The following SRD5A2 variants were observed in gnomAD, a reference collection of about 807,000 sequenced individuals.
SRD5A2 encodes the protein steroid 5 alpha-reductase 2, also known as 3-oxo-5-alpha-steroid 4-dehydrogenase 2.
In SRD5A2, 30 loss-of-function variants were observed where a neutral mutation model predicts 27.4. The observed-to-expected ratio is 1.10, with a 90% CI of 0.82 to 1.49. SRD5A2 has a LOEUF of 1.49. SRD5A2 is among the 40% of genes most tolerant of loss of function. The pLI is 0.00. For missense variants in SRD5A2, 348 were observed against 323.4 expected (o/e 1.08, Z -0.58); for synonymous variants, 141 against 133.6 (o/e 1.06, Z -0.38).
chr2:31,662,921 AG>A, the SRD5A2 span, among the ~76,000 whole-genome samples: 1 of 152,108 alleles, frequency 6.6e-6, no homozygotes. Flanking sequence ...TCACTCTGAC[AG>A]CTCCATACCC....
chr2:31,621,351 T>C, the SRD5A2 span, among the ~76,000 whole-genome samples: 17 of 152,132 alleles, frequency 1.1e-4, no homozygotes, highest in African/African-American at 4.1e-4. Context: ...TAAGATTATC[T>C]GAATGGAATC....
chr2:31,546,409 G>A (rs1262188993), intron 1 of SRD5A2, among the ~76,000 whole-genome samples: 1 of 152,112 alleles, frequency 6.6e-6, no homozygotes, highest in Admixed American at 6.5e-5. Context: ...ATTAATGATG[G>A]ACTGGATAAA....
chr2:31,581,887 T>C (rs1667090359), upstream of SRD5A2, among the ~76,000 whole-genome samples: 2 of 152,202 alleles, frequency 1.3e-5, no homozygotes, highest in South Asian at 4.1e-4. Flanking sequence ...CTTTCTCTCT[T>C]CCGTTTCCCA....
chr2:31,589,149 C>A, the SRD5A2 span, among the ~76,000 whole-genome samples: 1 of 152,084 alleles, frequency 6.6e-6, no homozygotes, highest in African/African-American at 2.4e-5. Flanking sequence ...TTACCCAGAG[C>A]TGAAACAGAT....
chr2:31,637,506 C>T, the SRD5A2 span, among the ~76,000 whole-genome samples: 4 of 152,068 alleles, frequency 2.6e-5, no homozygotes, highest in Admixed American at 2.0e-4. Context: ...TTATATGGTT[C>T]TAGGAACTCC....
At chr2:31,589,669 G>A in the SRD5A2 span, among the ~76,000 whole-genome samples, 1 of 152,202 alleles carries the variant, frequency 6.6e-6, no homozygotes. Flanking sequence ...CTGGGGAGGG[G>A]CCACAGGGTG....
At chr2:31,653,091 T>C in the SRD5A2 span, among the ~76,000 whole-genome samples, 1 of 152,112 alleles carries the variant, frequency 6.6e-6, no homozygotes, top group Non-Finnish European at 1.5e-5. Context: ...TTTCCCACAC[T>C]AACAAAATAG....
the SRD5A2 span, among the ~76,000 whole-genome samples, chr2:31,632,692 C>G: frequency 6.6e-6 from 1 of 152,126 alleles, no homozygotes; most frequent in Non-Finnish European, 1.5e-5. Context: ...GACACGCAGT[C>G]ACTAGATACT....
chr2:31,547,260 G>C (rs1027842624), intron 1 of SRD5A2, among the ~76,000 whole-genome samples: 1 of 152,158 alleles, frequency 6.6e-6, no homozygotes, highest in Non-Finnish European at 1.5e-5. Flanking sequence ...ACCTTGACTG[G>C]ATTAAGGGAT....
At chr2:31,659,666 C>A in the SRD5A2 span, among the ~76,000 whole-genome samples, 1 of 152,014 alleles carries the variant, frequency 6.6e-6, no homozygotes, top group Non-Finnish European at 1.5e-5. Flanking sequence ...CAAATCACTG[C>A]ACAAGGAAAT....
Position 31,552,817 on chromosome 2 carries a change from T to G in SRD5A2, c.282-19051A>C, listed in dbSNP as rs367692189. ...ACCACTCCATAAAAACTGGGAGAGA[T>G]GGCTGTTTTTTCAAATGTGCAGACA... On this transcript the variant is annotated intron_variant, in intron 1 of 4. Transcript: ENST00000622030. 1.6e-4 allele frequency among the ~76,000 whole-genome samples: 25 copies of G among 152,186 alleles called. No individual in the cohort carries two copies. In the East Asian group the frequency reaches 3.1e-3, roughly 19 times the overall value.
Position 31,526,061 on chromosome 2 carries a change from G to A in SRD5A2, c.*135C>T, listed in dbSNP as rs1167007961. The stretch of plus-strand genomic sequence containing the variant: ...AAGCAGACACCACTCAGAATCCCCA[G>A]GCCAGCTGGCAGAACGCCAGGAGAC... On this transcript the variant is annotated 3_prime_UTR_variant, in exon 5 of 5. Transcript: ENST00000622030. The A allele has an allele frequency of 8.3e-6, 5 of 600,900 alleles. No individual in the cohort carries two copies. In the Admixed American group the frequency reaches 1.0e-4, roughly 13 times the overall value. The allele number at this position is 600,900 out of a possible 1,614,324, so 37.2% of individuals were successfully genotyped here. A position where few individuals can be genotyped will look rare whatever the true frequency, so the allele number is the denominator to read the frequency against.
chr2:31,612,471 A>G, the SRD5A2 span, among the ~76,000 whole-genome samples: 1 of 152,204 alleles, frequency 6.6e-6, no homozygotes, highest in South Asian at 2.1e-4. Flanking sequence ...CATAGAGCTG[A>G]AAGATTTGTA....
chr2:31,627,433 G>GGTGTGTGTGT, the SRD5A2 span, among the ~76,000 whole-genome samples: 1 of 149,710 alleles, frequency 6.7e-6, no homozygotes. Flanking sequence ...TTTGTACGGG[G>GGTGTGTGTGT]GTGTGTGTGT....
chr2:31,649,336 T>A, the SRD5A2 span, among the ~76,000 whole-genome samples: 119 of 152,250 alleles, frequency 7.8e-4, no homozygotes, highest in Admixed American at 2.7e-3. Flanking sequence ...AGATAACCCA[T>A]CCACTGGCTC....
the SRD5A2 span, among the ~76,000 whole-genome samples, chr2:31,637,465 T>C: frequency 2.6e-5 from 4 of 152,108 alleles, no homozygotes; most frequent in African/African-American, 7.2e-5. Flanking sequence ...CAACAGTTTA[T>C]AAATGTCATG....
chr2:31,596,244 T>A, the SRD5A2 span, among the ~76,000 whole-genome samples: 1 of 151,864 alleles, frequency 6.6e-6, no homozygotes, highest in African/African-American at 2.4e-5. Flanking sequence ...AAAAATTAGC[T>A]GAGCATGGTG....
chr2:31,532,084 C>A (rs1213406781), intron 2 of SRD5A2, among the ~76,000 whole-genome samples: 2 of 151,992 alleles, frequency 1.3e-5, no homozygotes, highest in Non-Finnish European at 2.9e-5. Flanking sequence ...CATCTTGCAA[C>A]CATGAAGTGA....
the SRD5A2 span, among the ~76,000 whole-genome samples, chr2:31,645,962 CGT>C: frequency 6.6e-6 from 1 of 152,146 alleles, no homozygotes; most frequent in African/African-American, 2.4e-5. Context: ...ATCTTGAGGC[CGT>C]GTCTATCCCG....
Sources: allele counts gnomAD v4.1 joint callset (sites outside exome capture counted in the v4.1 genomes callset), GRCh38; gene constraint gnomAD v4.1.1; transcripts MANE v1.5; gene names NCBI Gene and HGNC (gene_info 2026-07-23, HGNC 2026-07-21).